The following PCDHGA3 variants were observed in gnomAD, a reference collection of about 807,000 sequenced individuals.
PCDHGA3 encodes the protein protocadherin gamma subfamily A, 3, also known as protocadherin gamma-A3.
PCDHGA3 carries 40 observed loss-of-function variants against 58.5 expected under a neutral mutation model. The observed-to-expected ratio is 0.68, with a 90% confidence interval of 0.53 to 0.89. The LOEUF (loss-of-function observed/expected upper bound fraction) is 0.89. Among genes scored for constraint, PCDHGA3 ranks in the 40% least tolerant of loss-of-function variants. The pLI, the probability that PCDHGA3 is intolerant of heterozygous loss-of-function variation, is 0.00. For synonymous variants in PCDHGA3, 530 were observed against 525.7 expected (o/e 1.01, Z -0.11); for missense variants, 1,223 against 1,195.9 (o/e 1.02, Z -0.33).
intron 1 of PCDHGA3, among the ~76,000 whole-genome samples, chr5:141,387,402 T>C (rs953681527): frequency 6.6e-5 from 10 of 152,186 alleles, no homozygotes; most frequent in African/African-American, 2.4e-4. Context: ...TGTTTGAAGA[T>C]TGGGGAAAGC....
chr5:141,509,051 A>G (rs1051961974), intron 3 of PCDHGA3, among the ~76,000 whole-genome samples: 1 of 152,166 alleles, frequency 6.6e-6, no homozygotes, highest in Admixed American at 6.5e-5. Context: ...CCCCGCCCCC[A>G]GAAAGCTCTC....
intron 2 of PCDHGA3, among the ~76,000 whole-genome samples, chr5:141,500,035 CTT>C: frequency 6.6e-6 from 1 of 152,100 alleles, no homozygotes; most frequent in East Asian, 1.9e-4. Flanking sequence ...GTGAGTGTCT[CTT>C]AAGTATCTTA....
intron 1 of PCDHGA3, chr5:141,371,614 A>G: frequency 6.2e-7 from 1 of 1,614,024 alleles, no homozygotes; most frequent in Non-Finnish European, 8.5e-7. Flanking sequence ...TTGGTGACAG[A>G]TGGAGCCCTG....
rs2099748179 is a variant in PCDHGA3 at position 141,493,421 on chromosome 5, T to G, written c.2425-1386T>G. Among the ~76,000 whole-genome samples the G allele has an allele frequency of 6.6e-6, 1 of 152,182 alleles. No individual in the cohort carries two copies. Among genetic ancestry groups the G allele is most frequent in the South Asian group, 2.1e-4 (1 of 4,830 alleles). On this transcript the variant is annotated intron_variant, in intron 1 of 3. Coordinates refer to ENST00000253812, the MANE Select transcript of PCDHGA3 (RefSeq NM_018916.4). The surrounding 1 kb of genome is among the most constrained non-coding windows in gnomAD (Gnocchi z 4.3). Reference sequence around the variant, plus strand: ...GGAGTTGCCTCTGCTGGGATTTTGCTTCTGCTGGGATGGGGCAAGGGTGGG... The same window carrying G: ...GGAGTTGCCTCTGCTGGGATTTTGCGTCTGCTGGGATGGGGCAAGGGTGGG...
At position 141,487,447 on chromosome 5, in the gene PCDHGA3, C is replaced by A. The variant is rs758411138; in HGVS notation, c.2425-7360C>A. 4.3e-6 allele frequency: 7 copies of A among 1,614,182 alleles called. No homozygotes were observed. The highest frequency in any genetic ancestry group is 5.9e-6 in the Non-Finnish European group (7 of 1,180,028). Reference sequence around the variant, plus strand: ...TCCGAATCCAGCTAGGGTCAGATGACCCTATCAAGTTTGTTGATGTGGGAG... The same window carrying A: ...TCCGAATCCAGCTAGGGTCAGATGAACCTATCAAGTTTGTTGATGTGGGAG... On this transcript the variant is annotated intron_variant, in intron 1 of 3. Coordinates refer to ENST00000253812, the MANE Select transcript of PCDHGA3 (RefSeq NM_018916.4). The surrounding 1 kb of genome is among the most constrained non-coding windows in gnomAD (Gnocchi z 5.0).
At chr5:141,365,047 G>T (rs1436850571) in intron 1 of PCDHGA3, 15 of 1,613,686 alleles carry the variant, frequency 9.3e-6, no homozygotes, top group Non-Finnish European at 1.3e-5. Flanking sequence ...ACGACAATGC[G>T]CCCCTGTTCA....
chr5:141,488,793 C>G (rs1274193018), intron 1 of PCDHGA3, among the ~76,000 whole-genome samples: 1 of 152,172 alleles, frequency 6.6e-6, no homozygotes, highest in African/African-American at 2.4e-5. Context: ...TTTGTCTTCC[C>G]TGTTGAGTAC....
At chr5:141,410,913 G>GC (rs1270456210) in intron 1 of PCDHGA3, 4 of 263,626 alleles carry the variant, frequency 1.5e-5, no homozygotes, top group African/African-American at 1.1e-4. Flanking sequence ...GAGTGCAGTG[G>GC]CGTGATCTCT....
chr5:141,394,229 T>C, intron 1 of PCDHGA3: 1 of 1,613,872 alleles, frequency 6.2e-7, no homozygotes, highest in Non-Finnish European at 8.5e-7. Flanking sequence ...CCTCCATCTT[T>C]TCCTTGACTG....
intron 1 of PCDHGA3, chr5:141,360,199 T>C (rs377198093): frequency 4.8e-5 from 77 of 1,612,536 alleles, no homozygotes; most frequent in Non-Finnish European, 6.4e-5. Context: ...GCCCTTCCTG[T>C]TGTCTTTGTT....
In PCDHGA3 at chr5:141,489,801, T is replaced by C. The variant is rs201458939; in HGVS notation, c.2425-5006T>C. 6.2e-7 allele frequency: 1 copy of C among 1,614,148 alleles called. No homozygotes were observed. On this transcript the variant is annotated intron_variant, in intron 1 of 3. Coordinates refer to ENST00000253812, the MANE Select transcript of PCDHGA3 (RefSeq NM_018916.4). The surrounding 1 kb of genome is among the most constrained non-coding windows in gnomAD (Gnocchi z 4.5). The stretch of plus-strand genomic sequence containing the variant: ...CTCTGAATGTGAAGACCCTAAAAGA[T>C]GGGAAGCCATTCCCAGAGCTGGTGC...
At chr5:141,356,754 C>G in intron 1 of PCDHGA3, 3 of 1,613,966 alleles carry the variant, frequency 1.9e-6, no homozygotes, top group Non-Finnish European at 1.7e-6. Context: ...ATGCTCTTTG[C>G]TCCTTCGACT....
chr5:141,385,635 C>G (rs148433768), intron 1 of PCDHGA3: 13 of 870,194 alleles, frequency 1.5e-5, no homozygotes, highest in African/African-American at 1.8e-5. Context: ...TGAATCGAGT[C>G]TTTCATATTG....
chr5:141,416,996 C>T (rs1280099812), intron 1 of PCDHGA3: 1 of 151,012 alleles, frequency 6.6e-6, no homozygotes. Flanking sequence ...GTGCATTCAT[C>T]TCAAATAATT....
At chr5:141,458,075 A>G (rs1301404730) in intron 1 of PCDHGA3, among the ~76,000 whole-genome samples, 2 of 152,234 alleles carry the variant, frequency 1.3e-5, no homozygotes, top group Non-Finnish European at 2.9e-5. Flanking sequence ...GAACAACTAT[A>G]TTGCCGTAAG....
intron 1 of PCDHGA3, among the ~76,000 whole-genome samples, chr5:141,349,171 G>A (rs1007619179): frequency 6.6e-6 from 1 of 152,186 alleles, no homozygotes; most frequent in Non-Finnish European, 1.5e-5. Flanking sequence ...CCTGAGTTAA[G>A]TGATTCTGCT....
At chr5:141,372,228 A>C (rs755305090) in intron 1 of PCDHGA3, 1 of 1,613,414 alleles carries the variant, frequency 6.2e-7, no homozygotes, top group Non-Finnish European at 8.5e-7. Context: ...TGTGCAGGCC[A>C]GCGAGCCCGG....
At position 141,414,606 on chromosome 5, in the gene PCDHGA3, A is replaced by G. The variant is rs760846889; in HGVS notation, c.2424+68149A>G. ...ACGCCAGGGGTGCCTCCATCTTCTCAGTGACAGCGCTGGACCCGGACAGCA... is the reference window on the plus strand; with the variant it reads ...ACGCCAGGGGTGCCTCCATCTTCTCGGTGACAGCGCTGGACCCGGACAGCA... On this transcript the variant is annotated intron_variant, in intron 1 of 3. Coordinates refer to ENST00000253812, the MANE Select transcript of PCDHGA3 (RefSeq NM_018916.4). The G allele has an allele frequency of 1.6e-5, 26 of 1,613,826 alleles. No homozygotes were observed. In the East Asian group the frequency reaches 5.6e-4, roughly 35 times the overall value.
chr5:141,391,109 T>C (rs1414344509), intron 1 of PCDHGA3: 1 of 152,098 alleles, frequency 6.6e-6, no homozygotes, highest in Non-Finnish European at 1.5e-5. Context: ...TAAACTAATA[T>C]AGCTAGAGGT....
Sources: allele counts gnomAD v4.1 joint callset (sites outside exome capture counted in the v4.1 genomes callset), GRCh38; gene constraint gnomAD v4.1.1; non-coding constraint Gnocchi (gnomAD v3.1); transcripts MANE v1.5; gene names NCBI Gene and HGNC (gene_info 2026-07-23, HGNC 2026-07-21).